GALNTL6: variants seen among roughly 807,000 people sequenced by gnomAD.
The protein encoded by GALNTL6 is polypeptide N-acetylgalactosaminyltransferase-like 6.
A neutral mutation model predicts 73.7 loss-of-function variants in GALNTL6; 46 were observed. The ratio of observed to expected loss-of-function variants is 0.62; its 90% confidence interval spans 0.49 to 0.80. The LOEUF is 0.80. Ranked by LOEUF, GALNTL6 falls within the 30% of genes least tolerant of loss-of-function variation. The pLI is 0.00. For missense variants in GALNTL6, 604 were observed against 755.0 expected, an observed-to-expected ratio of 0.80 and a Z score of 2.34; for synonymous variants, 259 against 263.7, an observed-to-expected ratio of 0.98 and a Z score of 0.17.
chr4:172,911,717 A>G (rs1394014472), intron 8 of GALNTL6, among the ~76,000 whole-genome samples: 1 of 152,214 alleles, frequency 6.6e-6, no homozygotes, highest in Non-Finnish European at 1.5e-5. Flanking sequence ...CAATTACCCA[A>G]CAAAAGATAC....
intron 2 of GALNTL6, among the ~76,000 whole-genome samples, chr4:172,078,740 G>A (rs1220425984): frequency 2.0e-5 from 3 of 152,088 alleles, no homozygotes; most frequent in Admixed American, 1.3e-4. Context: ...TCACTTTCTT[G>A]TCTTTGAGGG....
intron 2 of GALNTL6, among the ~76,000 whole-genome samples, chr4:171,847,428 G>A (rs1735403373): frequency 6.6e-6 from 1 of 152,154 alleles, no homozygotes; most frequent in African/African-American, 2.4e-5. Flanking sequence ...AGTTGCTGAT[G>A]ATGATTGGGG....
intron 5 of GALNTL6, among the ~76,000 whole-genome samples, chr4:172,659,352 ACTTAT>A (rs1731252489): frequency 6.6e-6 from 1 of 152,254 alleles, no homozygotes; most frequent in East Asian, 1.9e-4. Flanking sequence ...CACCTCAAAT[ACTTAT>A]CTTTTCTTTA....
intron 3 of GALNTL6, among the ~76,000 whole-genome samples, chr4:172,291,725 C>T (rs897890604): frequency 6.6e-6 from 1 of 151,028 alleles, no homozygotes; most frequent in Non-Finnish European, 1.5e-5. Context: ...TATCCCGCCA[C>T]CCCCCTCCCC....
chr4:172,166,890 G>C (rs987832666), intron 2 of GALNTL6, among the ~76,000 whole-genome samples: 1 of 152,154 alleles, frequency 6.6e-6, no homozygotes, highest in Admixed American at 6.5e-5. Context: ...ATGTTTGATT[G>C]TAGTACACTG....
chr4:172,729,214 T>G (rs1736005480), intron 5 of GALNTL6, among the ~76,000 whole-genome samples: 1 of 152,128 alleles, frequency 6.6e-6, no homozygotes, highest in Non-Finnish European at 1.5e-5. Context: ...CCTTTGTAGT[T>G]CAGAAGCTTT....
intron 2 of GALNTL6, among the ~76,000 whole-genome samples, chr4:172,223,420 T>C (rs982365262): frequency 3.3e-5 from 5 of 152,116 alleles, no homozygotes; most frequent in East Asian, 1.9e-4. Flanking sequence ...GAAAGAGATA[T>C]TAGAAGAATA....
At chr4:172,825,127 T>TTTCTTTCTTTCC (rs1553992673) in intron 7 of GALNTL6, among the ~76,000 whole-genome samples, 2 of 147,614 alleles carry the variant, frequency 1.4e-5, no homozygotes, top group Admixed American at 1.4e-4. Flanking sequence ...TCTTTCTTTC[T>TTTCTTTCTTTCC]TTCTTCCTTT....
intron 5 of GALNTL6, among the ~76,000 whole-genome samples, chr4:172,461,527 C>T (rs1034362943): frequency 7.9e-5 from 12 of 152,156 alleles, no homozygotes; most frequent in Non-Finnish European, 1.5e-4. Context: ...TTGTTGTAGA[C>T]ACTGCTCCTC....
At chr4:172,168,798 G>A (rs1288359947) in intron 2 of GALNTL6, among the ~76,000 whole-genome samples, 3 of 152,178 alleles carry the variant, frequency 2.0e-5, no homozygotes, top group East Asian at 3.8e-4. Flanking sequence ...CATATCAGCT[G>A]CATCAATAGT....
chr4:172,403,439 C>G (rs1744110332), intron 5 of GALNTL6, among the ~76,000 whole-genome samples: 1 of 151,958 alleles, frequency 6.6e-6, no homozygotes, highest in African/African-American at 2.4e-5. Flanking sequence ...TTAAGAAGTT[C>G]TAAATCTTTC....
chr4:171,883,796 T>C (rs7439628), intron 2 of GALNTL6, among the ~76,000 whole-genome samples: 2,079 of 151,900 alleles, frequency 0.014, 26 homozygotes, highest in Middle Eastern at 0.02. Context: ...TACAGGCGCC[T>C]GCCACCACAC....
chr4:172,744,559 TATAA>T (rs939096211), intron 5 of GALNTL6, among the ~76,000 whole-genome samples: 1 of 152,174 alleles, frequency 6.6e-6, no homozygotes, highest in African/African-American at 2.4e-5. Flanking sequence ...GAAGATTTTC[TATAA>T]ATAAAGTAAT....
rs539680741 is a variant in GALNTL6, at chr4:173,032,408, G to A, written c.1639-7525G>A. On this transcript the variant is annotated intron_variant, in intron 12 of 12. Transcript: ENST00000506823. The stretch of plus-strand genomic sequence containing the variant: ...GGAGCTTGCAGTGAGCCGAGATCGT[G>A]CCACTGCACTCCAGCCTCGGCGACA... Among the ~76,000 whole-genome samples the A allele has an allele frequency of 3.3e-5, 5 of 150,570 alleles. No homozygotes were observed. The East Asian group carries it at 7.8e-4, about 24-fold the overall frequency.
intron 5 of GALNTL6, among the ~76,000 whole-genome samples, chr4:172,738,607 A>T (rs1579418221): frequency 6.6e-6 from 1 of 152,090 alleles, no homozygotes; most frequent in Non-Finnish European, 1.5e-5. Context: ...GTGTCAATGA[A>T]AAAAGTCAAA....
intron 2 of GALNTL6, among the ~76,000 whole-genome samples, chr4:172,124,757 T>A (rs1432726304): frequency 6.6e-6 from 1 of 152,124 alleles, no homozygotes; most frequent in Non-Finnish European, 1.5e-5. Context: ...GTACTTAAAT[T>A]TAATCAGATG....
chr4:171,909,427 G>A (rs758021866), intron 2 of GALNTL6, among the ~76,000 whole-genome samples: 10 of 152,114 alleles, frequency 6.6e-5, no homozygotes, highest in Non-Finnish European at 1.3e-4. Context: ...CTTGAAATGT[G>A]ATCTATGAAA....
intron 5 of GALNTL6, among the ~76,000 whole-genome samples, chr4:172,767,630 G>C (rs1420907698): frequency 6.7e-6 from 1 of 149,694 alleles, no homozygotes; most frequent in African/African-American, 2.4e-5. Context: ...ATAATTCTAG[G>C]GTTGTTTTTT....
intron 5 of GALNTL6, among the ~76,000 whole-genome samples, chr4:172,776,704 G>C (rs4431209): frequency 0.52 from 79,640 of 152,052 alleles, 21,628 homozygotes; most frequent in East Asian, 0.78. Context: ...AAATTTTATA[G>C]GTTGCTTATC....
Sources: allele counts gnomAD v4.1 joint callset (sites outside exome capture counted in the v4.1 genomes callset), GRCh38; gene constraint gnomAD v4.1.1; transcripts MANE v1.5; gene names NCBI Gene and HGNC (gene_info 2026-07-23, HGNC 2026-07-21).